The following ARHGEF10L variants were observed in gnomAD, a reference collection of about 807,000 sequenced individuals.
The protein encoded by ARHGEF10L is rho guanine nucleotide exchange factor 10-like protein.
In ARHGEF10L, 69 loss-of-function variants were observed where a neutral mutation model predicts 141.2. That is an observed-to-expected ratio of 0.49 (90% CI 0.40 to 0.60). The LOEUF is 0.60. Ranked by LOEUF, ARHGEF10L falls within the 20% of genes least tolerant of loss-of-function variation. The pLI is 0.00. For synonymous variants in ARHGEF10L, 711 were observed against 718.5 expected (o/e 0.99, Z 0.17); for missense variants, 1,482 against 1,734.3 (o/e 0.85, Z 2.58).
At chr1:17,628,320 ACT>A (rs1302614643) in intron 15 of ARHGEF10L, among the ~76,000 whole-genome samples, 7 of 152,004 alleles carry the variant, frequency 4.6e-5, no homozygotes, top group African/African-American at 1.7e-4. Context: ...ACAGAGGGAG[ACT>A]CTGTCTCTAA....
At chr1:17,593,053 C>T (rs1265693216) in intron 4 of ARHGEF10L, among the ~76,000 whole-genome samples, 1 of 152,168 alleles carries the variant, frequency 6.6e-6, no homozygotes, top group Non-Finnish European at 1.5e-5. Flanking sequence ...ACCTTTGGAT[C>T]CCAGGCCCTT....
intron 26 of ARHGEF10L, among the ~76,000 whole-genome samples, chr1:17,677,606 G>C (rs567000581): frequency 5.3e-5 from 8 of 152,186 alleles, no homozygotes; most frequent in Admixed American, 6.5e-5. Flanking sequence ...GGAGATCAGG[G>C]GGGGAGAGAC....
chr1:17,606,835 C>T (rs75206004), intron 6 of ARHGEF10L, among the ~76,000 whole-genome samples: 228 of 152,278 alleles, frequency 1.5e-3, no homozygotes, highest in Middle Eastern at 3.4e-3. Context: ...GTTCCGGCCT[C>T]GGGACAGTGG....
chr1:17,517,705 G>T, the ARHGEF10L span, among the ~76,000 whole-genome samples: 3 of 151,762 alleles, frequency 2.0e-5, no homozygotes, highest in Non-Finnish European at 4.4e-5. Context: ...CTGTCACCCA[G>T]GCTGGAGTAC....
Position 17,656,122 on chromosome 1 carries a change from G to T in ARHGEF10L, c.2705+20G>T, listed in dbSNP as rs1369597975. ...TGGCAGGTGAGGGGCCCGGAAGGAG[G>T]GGTGAGAGCAGCCTCTGCAGGGCTG... On this transcript the variant is annotated intron_variant, in intron 24 of 28. Transcript: ENST00000361221. This position sits in a 1 kb window ranked among gnomAD's most constrained non-coding sequence, Gnocchi z 4.9. 6.5e-7 allele frequency: 1 copy of T among 1,548,870 alleles called. No homozygotes were observed. The highest frequency in any genetic ancestry group is 1.2e-5 in the South Asian group (1 of 83,976).
rs1178267926 is a variant in ARHGEF10L at position 17,639,681 on chromosome 1, A to G, written c.2172-521A>G. 1 of 457,430 alleles carries G rather than the reference A, an allele frequency of 2.2e-6. No individual in the cohort carries two copies. The highest frequency in any genetic ancestry group is 4.1e-6 in the Non-Finnish European group (1 of 245,964). 28.3% of individuals were successfully genotyped at this position (457,430 alleles called of 1,614,324 possible). A position where few individuals can be genotyped will look rare whatever the true frequency, so the allele number is the denominator to read the frequency against. On this transcript the variant is annotated intron_variant, in intron 20 of 28. Coordinates refer to ENST00000361221, the MANE Select transcript of ARHGEF10L (RefSeq NM_018125.4). This position sits in a 1 kb window ranked among gnomAD's most constrained non-coding sequence, Gnocchi z 4.3. ...GAGGTGAGAGGACAGCGTGGTGACA[A>G]CAGCAACCTCTGGTTGCCCCAAGCT...
rs762536930 is a variant in ARHGEF10L, at chr1:17,621,930, C to T, written c.1009C>T (p.Arg337Trp). The change falls in exon 11 of 29, where the codon CGG (arginine) becomes TGG (tryptophan). Residue 337 changes from arginine to tryptophan, a missense_variant. By Grantham distance (101) the Arg-to-Trp change is moderately radical. Coordinates refer to ENST00000361221, the MANE Select transcript of ARHGEF10L (RefSeq NM_018125.4). The surrounding 1 kb of genome is among the most constrained non-coding windows in gnomAD (Gnocchi z 4.1). ...AGGCAGCTACGTGGAGTCTCTGAAG[C>T]GGATACTCCAGGTGCGACTTCAGGG... ...SEGSYVESLK[R>W]ILQDYRNPLM... 4.3e-6 allele frequency: 7 copies of T among 1,613,978 alleles called. No homozygotes were observed. Among genetic ancestry groups the T allele is most frequent in the Non-Finnish European group, 5.9e-6 (7 of 1,180,016 alleles).
chr1:17,583,476 G>A (rs372368140), intron 2 of ARHGEF10L, among the ~76,000 whole-genome samples: 230 of 152,318 alleles, frequency 1.5e-3, no homozygotes, highest in African/African-American at 5.4e-3. Context: ...CACGCACCCT[G>A]CACCAGGTGC....
intron 18 of ARHGEF10L, among the ~76,000 whole-genome samples, chr1:17,636,369 T>C (rs778443705): frequency 1.3e-5 from 2 of 152,236 alleles, no homozygotes; most frequent in African/African-American, 2.4e-5. Context: ...CTTCTGCTTA[T>C]AGCCCTTGAA....
intron 1 of ARHGEF10L, among the ~76,000 whole-genome samples, chr1:17,541,641 G>C (rs1252885844): frequency 6.6e-6 from 1 of 152,070 alleles, no homozygotes; most frequent in Non-Finnish European, 1.5e-5. Context: ...GATCAGCTTG[G>C]CCAACATGGT....
Position 17,603,656 on chromosome 1 carries a change from G to A in ARHGEF10L, c.433+65G>A. 7.0e-7 allele frequency: 1 copy of A among 1,430,008 alleles called. No homozygotes were observed. The highest frequency in any genetic ancestry group is 9.5e-7 in the Non-Finnish European group (1 of 1,053,214). The allele number at this position is 1,430,008 out of a possible 1,614,324, so 88.6% of individuals were successfully genotyped here. On this transcript the variant is annotated intron_variant, in intron 6 of 28. Transcript: ENST00000361221. The surrounding 1 kb of genome is among the most constrained non-coding windows in gnomAD (Gnocchi z 4.8). The stretch of plus-strand genomic sequence containing the variant: ...AGGGGAGGGAGGCTGGGACTGGGGA[G>A]GGTTGTCTCTTTCCGTTTCCTTCTG...
In ARHGEF10L at chr1:17,632,381, G is replaced by A. The variant is rs199956902; in HGVS notation, c.1645G>A (p.Gly549Ser). 4.2e-5 allele frequency: 67 copies of A among 1,614,186 alleles called. 1 individual carries two copies. Among genetic ancestry groups the A allele is most frequent in the South Asian group, 3.8e-4 (35 of 91,088 alleles). ...LCETLTETVYGDRGQLIKSKE... is the reference protein window; with the variant it reads ...LCETLTETVYSDRGQLIKSKE... ...TGAGACGTTGACGGAGACCGTGTACGGTGACCGCGGGCAGCTAATTAAGTC... is the reference window on the plus strand; with the variant it reads ...TGAGACGTTGACGGAGACCGTGTACAGTGACCGCGGGCAGCTAATTAAGTC... Residue 549 changes from glycine to serine, a missense_variant, in exon 16 of 29, where the codon GGT (glycine) becomes AGT (serine). By Grantham distance (56) the Gly-to-Ser change is moderately conservative (BLOSUM62 0). Around this residue, in one of 3 missense-constraint regions of ARHGEF10L, gnomAD observed 392 missense variants for 542.1 expected, o/e 0.72. Transcript: ENST00000361221.
At chr1:17,513,445 A>G in the ARHGEF10L span, among the ~76,000 whole-genome samples, 1 of 152,136 alleles carries the variant, frequency 6.6e-6, no homozygotes, top group African/African-American at 2.4e-5. Context: ...TTCAGTGGAG[A>G]GGGCATTCAT....
chr1:17,637,170 C>T (rs1396368323), intron 18 of ARHGEF10L, among the ~76,000 whole-genome samples: 1 of 152,232 alleles, frequency 6.6e-6, no homozygotes, highest in Non-Finnish European at 1.5e-5. Flanking sequence ...GTACTGCTGT[C>T]TCCAGTCTCT....
intron 7 of ARHGEF10L, among the ~76,000 whole-genome samples, chr1:17,612,828 G>A (rs1275851293): frequency 2.6e-5 from 4 of 152,208 alleles, no homozygotes; most frequent in East Asian, 1.9e-4. Flanking sequence ...GCAGAGACCC[G>A]GCCCCCAGCT....
At chr1:17,637,758 C>G (rs557594225) in intron 18 of ARHGEF10L, 130 bp from the exon 19 acceptor site, 76 of 701,786 alleles carry the variant, frequency 1.1e-4, no homozygotes, top group Middle Eastern at 2.5e-4. Flanking sequence ...CCTGCCTCGG[C>G]CTCCCAAAGT....
intron 27 of ARHGEF10L, among the ~76,000 whole-genome samples, chr1:17,690,759 C>T (rs1163545524): frequency 6.6e-6 from 1 of 152,210 alleles, no homozygotes; most frequent in Non-Finnish European, 1.5e-5. Flanking sequence ...CTGAGAGTGG[C>T]TCCCTGAGCT....
At chr1:17,676,509 G>A (rs1006116876) in intron 26 of ARHGEF10L, among the ~76,000 whole-genome samples, 45 of 152,090 alleles carry the variant, frequency 3.0e-4, no homozygotes, top group African/African-American at 1.0e-3. Context: ...TATCATGCAG[G>A]CGAGGCCTGC....
At chr1:17,658,188 T>C (rs765148808) in intron 25 of ARHGEF10L, among the ~76,000 whole-genome samples, 26 of 152,224 alleles carry the variant, frequency 1.7e-4, no homozygotes, top group Non-Finnish European at 3.5e-4. Context: ...TCATATTGGA[T>C]TAGGGACCTG....
Sources: gnomAD v4.1 joint callset for allele counts (sites outside exome capture counted in the v4.1 genomes callset) on GRCh38, gnomAD v4.1.1 for gene constraint, gnomAD v4.1.1 regional missense constraint, Gnocchi (gnomAD v3.1) non-coding constraint, MANE v1.5 for transcripts, NCBI Gene and HGNC (gene_info 2026-07-23, HGNC 2026-07-21) for gene names.